The following XRCC1 variants were observed in gnomAD, a reference collection of about 807,000 sequenced individuals.
The protein encoded by XRCC1 is X-ray repair cross complementing 1.
XRCC1 carries 52 observed loss-of-function variants against 83.3 expected under a neutral mutation model. That is an observed-to-expected ratio of 0.62 (90% CI 0.50 to 0.79). The LOEUF is 0.79. XRCC1 is among the 30% of genes least tolerant of loss of function. XRCC1 has a pLI of 0.00. For synonymous variants in XRCC1, 281 were observed against 312.6 expected (o/e 0.90, Z 1.07); for missense variants, 793 against 823.5 (o/e 0.96, Z 0.45).
intron 2 of XRCC1, 129 bp from the exon 3 acceptor site, chr19:43,561,149 G>T (rs1235189687): frequency 1.4e-6 from 1 of 737,358 alleles, no homozygotes; most frequent in Non-Finnish European, 2.4e-6. Context: ...GCACACCAGG[G>T]TTGAATGGTG....
intron 10 of XRCC1, among the ~76,000 whole-genome samples, chr19:43,549,341 C>A (rs543047296): frequency 1.3e-5 from 2 of 152,212 alleles, no homozygotes; most frequent in East Asian, 3.9e-4. Flanking sequence ...CTCACTTCAA[C>A]CCCTTCCTCC....
intron 2 of XRCC1, among the ~76,000 whole-genome samples, chr19:43,564,211 A>C (rs1480920919): frequency 6.6e-6 from 1 of 152,218 alleles, no homozygotes; most frequent in Non-Finnish European, 1.5e-5. Context: ...TTAACACAGC[A>C]GGCCTCTACT....
chr19:43,552,154 C>G lies in XRCC1; in HGVS notation c.945G>C (p.Glu315Asp). 6.2e-7 allele frequency: 1 copy of G among 1,614,120 alleles called. No individual in the cohort carries two copies. ...CCACACCCTGAAGGATCTTCCCCAG[C>G]TCCTCTGGGCCAGCTCGGGGTCGTC... Reference protein sequence around the residue: ...EPRRPRAGPEELGKILQGVVV... With the variant: ...EPRRPRAGPEDLGKILQGVVV... The change falls in exon 9 of 17, where the codon GAG becomes GAC. Residue 315 changes from glutamate (E) to aspartate (D), a missense_variant. Glu to Asp is a conservative substitution (Grantham distance 45). Coordinates refer to ENST00000262887, the MANE Select transcript of XRCC1 (RefSeq NM_006297.3).
At chr19:43,560,836 G>A in intron 3 of XRCC1, 74 bp downstream of exon 3, 1 of 1,282,110 alleles carries the variant, frequency 7.8e-7, no homozygotes, top group Non-Finnish European at 1.1e-6. Context: ...CCCAGCCCCA[G>A]CCCCTGGGGG....
chr19:43,572,711 C>T (rs1157320385), intron 2 of XRCC1, among the ~76,000 whole-genome samples: 1 of 152,092 alleles, frequency 6.6e-6, no homozygotes, highest in East Asian at 1.9e-4. Context: ...ATGTAAATTC[C>T]AACTACTCAG....
chr19:43,548,424 A>G (rs1251138862), intron 10 of XRCC1, among the ~76,000 whole-genome samples: 2 of 152,226 alleles, frequency 1.3e-5, no homozygotes, highest in African/African-American at 2.4e-5. Context: ...TTTGTTCTGT[A>G]CTAAGAAAAA....
At chr19:43,547,411 C>T (rs1174663363) in intron 10 of XRCC1, among the ~76,000 whole-genome samples, 1 of 151,760 alleles carries the variant, frequency 6.6e-6, no homozygotes, top group Non-Finnish European at 1.5e-5. Context: ...GTCTCGATCT[C>T]CTGACCTCAT....
chr19:43,543,962 C>G (rs760994996), intron 15 of XRCC1, among the ~76,000 whole-genome samples, 182 bp downstream of exon 15: 33 of 152,138 alleles, frequency 2.2e-4, no homozygotes, highest in Non-Finnish European at 4.1e-4. Flanking sequence ...GCAATGCACC[C>G]TGGGCTGCCG....
In XRCC1 at chr19:43,553,000, G is replaced by A; in HGVS notation, c.693C>T (p.Ala231=). 1 of 1,603,688 alleles carries A rather than the reference G, an allele frequency of 6.2e-7. No individual in the cohort carries two copies. Among genetic ancestry groups the A allele is most frequent in the Non-Finnish European group, 8.5e-7 (1 of 1,175,438 alleles). Residue 231 remains alanine, a synonymous_variant, in exon 7 of 17, where the codon GCC becomes GCT. Coordinates refer to ENST00000262887, the MANE Select transcript of XRCC1 (RefSeq NM_006297.3). ...AASSASPVSR[A]IGSTSKPQES... is the part of the protein sequence containing the mutation. ...ATTTCACCTTGGAGGTGCTGCCTAT[G>A]GCCCTGGAGACTGGAGAGGCTGAGG...
At chr19:43,551,016 G>A (rs1028307329) in intron 10 of XRCC1, among the ~76,000 whole-genome samples, 25 of 151,994 alleles carry the variant, frequency 1.6e-4, no homozygotes, top group Non-Finnish European at 2.6e-4. Context: ...TGGGAGTCTC[G>A]CTCTGTCACC....
chr19:43,552,925 G>A lies in XRCC1; in HGVS notation c.712-17C>T. 2 of 1,612,490 alleles carry A rather than the reference G, an allele frequency of 1.2e-6. No homozygotes were observed. The highest frequency in any genetic ancestry group is 1.7e-6 in the Non-Finnish European group (2 of 1,179,312). On this transcript the variant is annotated splice_polypyrimidine_tract_variant and intron_variant, in intron 7 of 16. Coordinates refer to ENST00000262887, the MANE Select transcript of XRCC1 (RefSeq NM_006297.3). ...CTCCTGGGGCTGAGGGGATGGGGAT[G>A]GATTGAGGCCTCCAGCTTCTCTCCT... is the stretch of plus-strand genomic sequence containing the variant.
In XRCC1 at chr19:43,560,993, C is replaced by A; in HGVS notation, c.172G>T (p.Val58Leu). The change falls in exon 3 of 17, where the codon GTG (valine) becomes TTG (leucine). Residue 58 changes from valine to leucine, a missense_variant. Val to Leu is a conservative substitution (Grantham distance 32). Coordinates refer to ENST00000262887, the MANE Select transcript of XRCC1 (RefSeq NM_006297.3). ...GCTGAGCCATCATTCCCAATGTCCACACTGTGTATCTGCTCCTCCTTCTCC... is the reference window on the plus strand; with the variant it reads ...GCTGAGCCATCATTCCCAATGTCCAAACTGTGTATCTGCTCCTCCTTCTCC... ...QLEKEEQIHSVDIGNDGSAFV... is the reference protein window; with the variant it reads ...QLEKEEQIHSLDIGNDGSAFV... 2 of 1,614,226 alleles carry A rather than the reference C, an allele frequency of 1.2e-6. No homozygotes were observed. The highest frequency in any genetic ancestry group is 1.7e-6 in the Non-Finnish European group (2 of 1,180,034).
At chr19:43,574,777 C>A in intron 2 of XRCC1, 133 bp downstream of exon 2, 1 of 700,786 alleles carries the variant, frequency 1.4e-6, no homozygotes, top group South Asian at 1.6e-5. Flanking sequence ...GATTATGCTG[C>A]CCATTTTCCG....
At chr19:43,555,222 A>T (rs1233714323) in intron 3 of XRCC1, 1 of 155,394 alleles carries the variant, frequency 6.4e-6, no homozygotes, top group Non-Finnish European at 1.4e-5. Context: ...GAATCCAGAG[A>T]GTCAGGCGAG....
chr19:43,556,577 G>A (rs1350253918), intron 3 of XRCC1, among the ~76,000 whole-genome samples: 1 of 152,174 alleles, frequency 6.6e-6, no homozygotes, highest in Non-Finnish European at 1.5e-5. Flanking sequence ...GCCAAGGCAG[G>A]CGGATCATTT....
chr19:43,543,424 G>A lies in XRCC1; in HGVS notation c.1870C>T (p.His624Tyr). Reference protein sequence around the residue: ...SCNEKQKLLPHQLYGVVPQA With the variant: ...SCNEKQKLLPYQLYGVVPQA ...TGCGGCACCACCCCATAGAGCTGGT[G>A]AGGAAGTAACTTCTGCTTCTCATTG... Residue 624 changes from histidine (H) to tyrosine (Y), a missense_variant, in exon 17 of 17, where the codon CAC (histidine) becomes TAC (tyrosine). His to Tyr is a moderately conservative substitution (Grantham distance 83). Coordinates refer to ENST00000262887, the MANE Select transcript of XRCC1 (RefSeq NM_006297.3). The A allele has an allele frequency of 3.1e-6, 5 of 1,612,670 alleles. No homozygotes were observed. The highest frequency in any genetic ancestry group is 1.1e-5 in the South Asian group (1 of 91,044).
At chr19:43,546,781 G>A (rs751869528) in intron 11 of XRCC1, 54 bp from the exon 12 acceptor site, 88 of 1,594,584 alleles carry the variant, frequency 5.5e-5, no homozygotes, top group Non-Finnish European at 6.8e-5. Flanking sequence ...GGGTGTGTTG[G>A]GGGGGTACCT....
At chr19:43,565,913 G>T (rs1309129187) in intron 2 of XRCC1, among the ~76,000 whole-genome samples, 2 of 152,130 alleles carry the variant, frequency 1.3e-5, no homozygotes, top group African/African-American at 4.8e-5. Flanking sequence ...ACCCCAGCCT[G>T]GGTGATAAAG....
chr19:43,544,726 C>G (rs1972491297), intron 14 of XRCC1, among the ~76,000 whole-genome samples: 1 of 152,178 alleles, frequency 6.6e-6, no homozygotes, highest in South Asian at 2.1e-4. Context: ...TCAGGCTGGT[C>G]TCAAACTCTT....
Sources: allele counts gnomAD v4.1 joint callset (sites outside exome capture counted in the v4.1 genomes callset), GRCh38; gene constraint gnomAD v4.1.1; transcripts MANE v1.5; gene names NCBI Gene and HGNC (gene_info 2026-07-23, HGNC 2026-07-21).